Variants in SCIMP observed in about 807,000 individuals in gnomAD.
The protein encoded by SCIMP is SLP adaptor and CSK interacting membrane protein, also known as SLP adapter and CSK-interacting membrane protein.
SCIMP carries 18 observed loss-of-function variants against 22.0 expected under a neutral mutation model. That is an observed-to-expected ratio of 0.82 (90% CI 0.56 to 1.21). The LOEUF (loss-of-function observed/expected upper bound fraction) is 1.21, where lower values mean the gene tolerates loss of function less well. SCIMP is among the 50% of genes most tolerant of loss of function. SCIMP has a pLI of 0.00. For synonymous variants in SCIMP, 53 were observed against 62.2 expected (o/e 0.85, Z 0.70); for missense variants, 155 against 171.2 (o/e 0.91, Z 0.53).
rs2074514024 is a variant in SCIMP at position 5,209,828 on chromosome 17, C to T, written c.*973G>A. 1 of 152,244 alleles carries T rather than the reference C, an allele frequency of 6.6e-6. No individual in the cohort carries two copies. The highest frequency in any genetic ancestry group is 2.4e-5 in the African/African-American group (1 of 41,452). The allele number at this position is 152,244 out of a possible 1,614,324, so 9.4% of individuals were successfully genotyped here. A position where few individuals can be genotyped will look rare whatever the true frequency, so the allele number is the denominator to read the frequency against. ...CAGCACATCACAGTGGACCTTCTGC[C>T]TCCTCCCAGATGCCCAGGGACAGTG... is the stretch of plus-strand genomic sequence containing the variant. On this transcript the variant is annotated 3_prime_UTR_variant, in exon 5 of 5. Coordinates refer to ENST00000574081, the MANE Select transcript of SCIMP (RefSeq NM_207103.3).
At position 5,229,779 on chromosome 17, in the gene SCIMP, C is replaced by T. The variant is rs147639442; in HGVS notation, c.21+4956G>A. On this transcript the variant is annotated intron_variant, in intron 1 of 4. Transcript: ENST00000574081. The stretch of plus-strand genomic sequence containing the variant: ...TATTCACGTATTCACATAAATGAAG[C>T]GCTGAAGGGCCCTAGGCTGGCCATC... Among the ~76,000 whole-genome samples, 11 of 152,026 alleles carry T rather than the reference C, an allele frequency of 7.2e-5. No individual in the cohort carries two copies. The South Asian group carries it at 1.9e-3, about 26-fold the overall frequency.
chr17:5,226,811 C>A (rs1405101031), intron 1 of SCIMP, among the ~76,000 whole-genome samples: 2 of 151,578 alleles, frequency 1.3e-5, no homozygotes, highest in African/African-American at 2.4e-5. Flanking sequence ...GCCCGGCCGA[C>A]ACATTTTTAA....
chr17:5,223,521 G>A (rs930537710), intron 1 of SCIMP, 65 bp from the exon 2 acceptor site: 6 of 1,540,518 alleles, frequency 3.9e-6, no homozygotes, highest in Non-Finnish European at 5.4e-6. Flanking sequence ...GGGTGGAGTG[G>A]GGCAGTTATC....
intron 1 of SCIMP, among the ~76,000 whole-genome samples, chr17:5,229,875 C>T (rs1225486163): frequency 7.1e-6 from 1 of 140,546 alleles, no homozygotes; most frequent in Non-Finnish European, 1.5e-5. Context: ...CTCCTCTCTG[C>T]TCCTCTCCTC....
At chr17:5,220,535 GA>G (rs1033886774) in intron 3 of SCIMP, among the ~76,000 whole-genome samples, 53 of 151,282 alleles carry the variant, frequency 3.5e-4, no homozygotes, top group African/African-American at 1.3e-3. Context: ...TCAGGAGTTT[GA>G]GATCAGCCTG....
intron 1 of SCIMP, among the ~76,000 whole-genome samples, chr17:5,226,211 A>G (rs1369543415): frequency 6.6e-6 from 1 of 152,196 alleles, no homozygotes; most frequent in Non-Finnish European, 1.5e-5. Context: ...GCTTTTCGTT[A>G]TAAACTCTGC....
chr17:5,232,061 CA>C (rs35142930), intron 1 of SCIMP, among the ~76,000 whole-genome samples: 2,411 of 148,046 alleles, frequency 0.016, 68 homozygotes, highest in African/African-American at 0.057. Flanking sequence ...GTCTCAAAAA[CA>C]AAAAAAAAAA....
chr17:5,231,717 C>G (rs2074695867), intron 1 of SCIMP, among the ~76,000 whole-genome samples: 1 of 152,174 alleles, frequency 6.6e-6, no homozygotes. Context: ...TTTCCCATCT[C>G]CTCACTTGGC....
At position 5,231,913 on chromosome 17, in the gene SCIMP, A is replaced by G. The variant is rs377744350; in HGVS notation, c.21+2822T>C. Among the ~76,000 whole-genome samples the G allele has an allele frequency of 1.1e-3, 171 of 152,160 alleles. 1 individual carries two copies. Among genetic ancestry groups the G allele is most frequent in the East Asian group, 6.4e-3 (33 of 5,164 alleles). ...ACTTAAAAAATACAAAAAATTAGCC[A>G]GGCATGGTGGCAGGCGCCTGTAGTC... On this transcript the variant is annotated intron_variant, in intron 1 of 4. Transcript: ENST00000574081.
In SCIMP at chr17:5,210,625, C is replaced by G. The variant is rs563019820; in HGVS notation, c.*176G>C. 2 of 755,812 alleles carry G rather than the reference C, an allele frequency of 2.6e-6. No homozygotes were observed. Among genetic ancestry groups the G allele is most frequent in the Admixed American group, 7.1e-5 (2 of 28,346 alleles). The allele number at this position is 755,812 out of a possible 1,614,324, so 46.8% of individuals were successfully genotyped here. ...TGTGTCTCCTCTGGCTGCAGTCATC[C>G]GATCGCAGGGGTGTCTTCATCTAAG... On this transcript the variant is annotated 3_prime_UTR_variant, in exon 5 of 5. Coordinates refer to ENST00000574081, the MANE Select transcript of SCIMP (RefSeq NM_207103.3).
intron 3 of SCIMP, among the ~76,000 whole-genome samples, chr17:5,215,500 C>T (rs979247220): frequency 3.9e-5 from 6 of 152,030 alleles, no homozygotes; most frequent in Non-Finnish European, 5.9e-5. Context: ...TGTAATCCCA[C>T]CTATTCGGGA....
At chr17:5,233,382 G>GTTTGTTTT (rs1488408948) in intron 1 of SCIMP, among the ~76,000 whole-genome samples, 2 of 151,536 alleles carry the variant, frequency 1.3e-5, no homozygotes, top group Non-Finnish European at 2.9e-5. Context: ...TAGTTTGTTT[G>GTTTGTTTT]TTTGTTTTTG....
intron 1 of SCIMP, among the ~76,000 whole-genome samples, chr17:5,232,684 A>G (rs1231711295): frequency 1.3e-5 from 2 of 150,548 alleles, no homozygotes; most frequent in South Asian, 4.2e-4. Context: ...TGTTCATGCT[A>G]AGTGAGGCCT....
chr17:5,223,847 G>A (rs2074627099), intron 1 of SCIMP, among the ~76,000 whole-genome samples: 1 of 152,192 alleles, frequency 6.6e-6, no homozygotes, highest in Non-Finnish European at 1.5e-5. Flanking sequence ...ACCGTGCCCA[G>A]CTAATCTACT....
intron 4 of SCIMP, 118 bp from the exon 5 acceptor site, chr17:5,211,073 A>T: frequency 6.9e-7 from 1 of 1,441,352 alleles, no homozygotes; most frequent in Non-Finnish European, 9.2e-7. Flanking sequence ...AGTGGGCCAG[A>T]TCCCCATTTT....
rs2074517983 is a variant in SCIMP, at chr17:5,210,354, G to GT, written c.*446dup. 6.4e-6 allele frequency: 1 copy of GT among 156,492 alleles called. No homozygotes were observed. Among genetic ancestry groups the GT allele is most frequent in the Non-Finnish European group, 1.4e-5 (1 of 70,652 alleles). The allele number at this position is 156,492 out of a possible 1,614,324, so 9.7% of individuals were successfully genotyped here. A position where few individuals can be genotyped will look rare whatever the true frequency, so the allele number is the denominator to read the frequency against. On this transcript the variant is annotated 3_prime_UTR_variant, in exon 5 of 5. Coordinates refer to ENST00000574081, the MANE Select transcript of SCIMP (RefSeq NM_207103.3). ...TGCAGGAGGTGGGTGGGGTGAGAGG[G>GT]TAAAGACCAGCATGCTTGGTGAGGG... is the stretch of plus-strand genomic sequence containing the variant.
chr17:5,226,220 G>A (rs1291660543), intron 1 of SCIMP, among the ~76,000 whole-genome samples: 1 of 152,112 alleles, frequency 6.6e-6, no homozygotes. Flanking sequence ...TATAAACTCT[G>A]CATTACTTGA....
intron 3 of SCIMP, among the ~76,000 whole-genome samples, chr17:5,219,537 A>G (rs1252028078): frequency 1.3e-5 from 2 of 151,998 alleles, no homozygotes; most frequent in African/African-American, 2.4e-5. Flanking sequence ...CTGAGGCAGG[A>G]GAAGCACTTG....
chr17:5,215,087 A>G, intron 3 of SCIMP, 89 bp from the exon 4 acceptor site: 1 of 820,906 alleles, frequency 1.2e-6, no homozygotes, highest in Non-Finnish European at 2.1e-6. Context: ...AGGAAAGTGA[A>G]TGGGTTGAAC....
Sources: gnomAD v4.1 joint callset for allele counts (sites outside exome capture counted in the v4.1 genomes callset) on GRCh38, gnomAD v4.1.1 for gene constraint, MANE v1.5 for transcripts, NCBI Gene and HGNC (gene_info 2026-07-23, HGNC 2026-07-21) for gene names.